The following UBE2E2 variants were observed in gnomAD, a reference collection of about 807,000 sequenced individuals.
The protein encoded by UBE2E2 is ubiquitin-conjugating enzyme E2 E2.
A neutral mutation model predicts 24.7 loss-of-function variants in UBE2E2; 6 were observed. That is an observed-to-expected ratio of 0.24 (90% CI 0.13 to 0.48). The LOEUF is 0.48. UBE2E2 is among the 20% of genes least tolerant of loss of function. The probability of loss-of-function intolerance (pLI) is 0.99; values close to 1 mark genes in which losing one functional copy is unlikely to be tolerated. For synonymous variants in UBE2E2, 104 were observed against 83.6 expected, an observed-to-expected ratio of 1.24 and a Z score of -1.33; for missense variants, 169 against 245.0, an observed-to-expected ratio of 0.69 and a Z score of 2.07.
chr3:23,523,568 G>GT, intron 4 of UBE2E2, among the ~76,000 whole-genome samples: 1 of 125,968 alleles, frequency 7.9e-6, no homozygotes. Flanking sequence ...TTTAATTTCA[G>GT]TTCCTTCACT....
At chr3:23,278,711 A>G (rs1168500959) in intron 3 of UBE2E2, among the ~76,000 whole-genome samples, 1 of 152,180 alleles carries the variant, frequency 6.6e-6, no homozygotes, top group Non-Finnish European at 1.5e-5. Context: ...TCATGTAACT[A>G]CATTAAATTA....
intron 3 of UBE2E2, among the ~76,000 whole-genome samples, chr3:23,357,090 C>G (rs1203330398): frequency 6.6e-6 from 1 of 152,176 alleles, no homozygotes; most frequent in Non-Finnish European, 1.5e-5. Flanking sequence ...TTTGACCTGG[C>G]TTAAGTATCA....
At chr3:23,516,068 T>C (rs1694733047) in intron 4 of UBE2E2, among the ~76,000 whole-genome samples, 1 of 152,222 alleles carries the variant, frequency 6.6e-6, no homozygotes, top group Non-Finnish European at 1.5e-5. Flanking sequence ...TTGAAGTACA[T>C]GTGCATGCTT....
At chr3:23,358,093 C>T (rs1035912337) in intron 3 of UBE2E2, among the ~76,000 whole-genome samples, 1 of 152,142 alleles carries the variant, frequency 6.6e-6, no homozygotes, top group African/African-American at 2.4e-5. Context: ...GCCTTGGCCT[C>T]CCAAAATGCT....
intron 5 of UBE2E2, among the ~76,000 whole-genome samples, chr3:23,573,460 A>G (rs1696272336): frequency 6.6e-6 from 1 of 152,192 alleles, no homozygotes; most frequent in African/African-American, 2.4e-5. Flanking sequence ...TTCCACACAT[A>G]ATAGATGAAT....
intron 3 of UBE2E2, among the ~76,000 whole-genome samples, chr3:23,268,068 A>C (rs1698103710): frequency 6.6e-6 from 1 of 151,826 alleles, no homozygotes; most frequent in Non-Finnish European, 1.5e-5. Flanking sequence ...AAATAATAAG[A>C]GCTATCTATG....
intron 3 of UBE2E2, among the ~76,000 whole-genome samples, chr3:23,401,496 A>G (rs1697221015): frequency 6.6e-6 from 1 of 152,130 alleles, no homozygotes; most frequent in Non-Finnish European, 1.5e-5. Context: ...GAAAAGGTAA[A>G]AACGTGGGAT....
At chr3:23,519,578 G>T (rs1476099197) in intron 4 of UBE2E2, among the ~76,000 whole-genome samples, 1 of 152,132 alleles carries the variant, frequency 6.6e-6, no homozygotes, top group Non-Finnish European at 1.5e-5. Context: ...GAGTTTTCAA[G>T]TCATGTTGAA....
At chr3:23,275,293 C>A (rs1698352208) in intron 3 of UBE2E2, among the ~76,000 whole-genome samples, 1 of 152,108 alleles carries the variant, frequency 6.6e-6, no homozygotes, top group Non-Finnish European at 1.5e-5. Context: ...GGTGGAGTAG[C>A]CAAGGTAAAA....
At chr3:23,312,822 A>C (rs1009290583) in intron 3 of UBE2E2, among the ~76,000 whole-genome samples, 1 of 152,010 alleles carries the variant, frequency 6.6e-6, no homozygotes, top group Admixed American at 6.6e-5. Flanking sequence ...GAAAGTTTTC[A>C]ATTTTCTTCT....
intron 3 of UBE2E2, among the ~76,000 whole-genome samples, chr3:23,261,440 C>T (rs747760859): frequency 3.3e-5 from 5 of 152,060 alleles, no homozygotes; most frequent in Admixed American, 1.3e-4. Context: ...TATCACCTTA[C>T]GTAGTTACCA....
chr3:23,203,237 G>GGGC (rs1450053110), upstream of UBE2E2: 1 of 988,330 alleles, frequency 1.0e-6, no homozygotes, highest in East Asian at 1.1e-4. Flanking sequence ...GAACGGCCGG[G>GGGC]GGCGGCGGCA....
Position 23,477,097 on chromosome 3 carries a change from GT to G in UBE2E2, c.228-22508del, listed in dbSNP as rs540361323. On this transcript the variant is annotated intron_variant, in intron 3 of 5. Transcript: ENST00000396703. The stretch of plus-strand genomic sequence containing the variant: ...CTGTGGTCATAAACAGTGTAATTGT[GT>G]TTGCAGTGAATAAATTGTTAGCCTA... Among the ~76,000 whole-genome samples the G allele has an allele frequency of 8.6e-5, 13 of 151,170 alleles. No homozygotes were observed. The South Asian group carries it at 2.5e-3, about 29-fold the overall frequency.
At chr3:23,299,074 A>G (rs558380877) in intron 3 of UBE2E2, among the ~76,000 whole-genome samples, 13 of 152,298 alleles carry the variant, frequency 8.5e-5, no homozygotes, top group African/African-American at 3.1e-4. Context: ...GTTTATTTGC[A>G]TAGAGGTGTT....
chr3:23,571,797 G>T (rs1005505858), intron 5 of UBE2E2, among the ~76,000 whole-genome samples: 2 of 152,126 alleles, frequency 1.3e-5, no homozygotes, highest in Non-Finnish European at 2.9e-5. Context: ...GAATCTCTTG[G>T]TACCCTCCCG....
At chr3:23,224,330 T>A (rs1024349911) in intron 3 of UBE2E2, among the ~76,000 whole-genome samples, 1 of 151,978 alleles carries the variant, frequency 6.6e-6, no homozygotes, top group Admixed American at 6.5e-5. Flanking sequence ...GGTGTCCTAT[T>A]TATTTCATCA....
chr3:23,208,688 C>G lies in UBE2E2; in HGVS notation c.-8-4C>G. 1 of 1,592,002 alleles carries G rather than the reference C, an allele frequency of 6.3e-7. No homozygotes were observed. The highest frequency in any genetic ancestry group is 8.5e-7 in the Non-Finnish European group (1 of 1,169,836). On this transcript the variant is annotated splice_region_variant and splice_polypyrimidine_tract_variant and intron_variant, in intron 1 of 5. Coordinates refer to ENST00000396703, the MANE Select transcript of UBE2E2 (RefSeq NM_152653.4). ...AATAAATGATTTTTGATTCTTTAAT[C>G]CAGGATCTAAAATGTCCACTGAGGC...
intron 3 of UBE2E2, among the ~76,000 whole-genome samples, chr3:23,339,113 G>A (rs1489132565): frequency 1.3e-5 from 2 of 152,130 alleles, no homozygotes; most frequent in African/African-American, 4.8e-5. Context: ...CTGATATGAT[G>A]TACTGAGAAC....
At chr3:23,259,359 T>A (rs1364307242) in intron 3 of UBE2E2, among the ~76,000 whole-genome samples, 1 of 152,100 alleles carries the variant, frequency 6.6e-6, no homozygotes, top group East Asian at 1.9e-4. Flanking sequence ...AGAGGTTAGG[T>A]TTTTTTCCCT....
Sources: allele counts gnomAD v4.1 joint callset (sites outside exome capture counted in the v4.1 genomes callset), GRCh38; gene constraint gnomAD v4.1.1; transcripts MANE v1.5; gene names NCBI Gene and HGNC (gene_info 2026-07-23, HGNC 2026-07-21).